Variants in GAB1 observed in about 807,000 individuals in gnomAD.
The protein encoded by GAB1 is GRB2-associated-binding protein 1.
In GAB1, 19 loss-of-function variants were observed where a neutral mutation model predicts 66.5. That is an observed-to-expected ratio of 0.29 (90% CI 0.20 to 0.42). The LOEUF (loss-of-function observed/expected upper bound fraction) is 0.42, where lower values mean the gene tolerates loss of function less well. Among genes scored for constraint, GAB1 ranks in the 10% least tolerant of loss-of-function variants. The probability of loss-of-function intolerance (pLI) is 1.00; values close to 1 mark genes in which losing one functional copy is unlikely to be tolerated. For synonymous variants in GAB1, 294 were observed against 301.4 expected (o/e 0.98, Z 0.25); for missense variants, 732 against 858.5 (o/e 0.85, Z 1.84).
chr4:143,393,229 T>C (rs1731268675), intron 1 of GAB1, among the ~76,000 whole-genome samples: 1 of 149,650 alleles, frequency 6.7e-6, no homozygotes, highest in African/African-American at 2.5e-5. Context: ...GTTTTTTTTT[T>C]TAAAAAAAAA....
At chr4:143,393,748 A>C (rs1260566751) in intron 1 of GAB1, among the ~76,000 whole-genome samples, 1 of 152,078 alleles carries the variant, frequency 6.6e-6, no homozygotes, top group Non-Finnish European at 1.5e-5. Context: ...TGCTTTACCC[A>C]AAAAAGAAAA....
intron 6 of GAB1, among the ~76,000 whole-genome samples, chr4:143,445,672 A>T (rs1313928060): frequency 6.6e-6 from 1 of 152,084 alleles, no homozygotes; most frequent in Non-Finnish European, 1.5e-5. Flanking sequence ...CTTGAGGGTT[A>T]TTATCAGGAG....
rs534972264 is a variant in GAB1, at chr4:143,347,683, G to A, written c.72+10423G>A. On this transcript the variant is annotated intron_variant, in intron 1 of 9. Coordinates refer to ENST00000262994, the MANE Select transcript of GAB1 (RefSeq NM_002039.4). ...TGCTAGGGGACATAGGTTGCACTTA[G>A]TTCTACAAATTACATCATGATCAGT... is the stretch of plus-strand genomic sequence containing the variant. Among the ~76,000 whole-genome samples, 12 of 152,330 alleles carry A rather than the reference G, an allele frequency of 7.9e-5. No homozygotes were observed. The East Asian group carries it at 1.9e-3, about 24-fold the overall frequency.
intron 2 of GAB1, 100 bp from the exon 3 acceptor site, chr4:143,433,389 TTC>T: frequency 1.3e-6 from 1 of 760,174 alleles, no homozygotes; most frequent in South Asian, 1.6e-5. Context: ...TCATGATTTA[TTC>T]TGTTTTTGTG....
At chr4:143,421,317 G>T (rs552647003) in intron 2 of GAB1, among the ~76,000 whole-genome samples, 68 of 152,022 alleles carry the variant, frequency 4.5e-4, no homozygotes, top group African/African-American at 1.5e-3. Context: ...TTGATGTTTG[G>T]GTTGTTTTCA....
At chr4:143,420,695 C>G (rs1319109143) in intron 2 of GAB1, among the ~76,000 whole-genome samples, 1 of 152,026 alleles carries the variant, frequency 6.6e-6, no homozygotes, top group East Asian at 1.9e-4. Flanking sequence ...GGTCTCTAAT[C>G]TAATTAGATG....
chr4:143,440,376 A>C lies in GAB1; in HGVS notation c.1579A>C (p.Arg527=). 6.2e-7 allele frequency: 1 copy of C among 1,608,882 alleles called. No homozygotes were observed. The part of the protein sequence containing the change: ...PPVDRNLKPD[R]KVKPAPLEIK... ...CGTGGATAGGAACCTCAAGCCAGAC[A>C]GAAAAGGTAAGGAGAGCATGGCAAA... The change falls in exon 6 of 10, where the codon AGA becomes CGA. Residue 527 remains arginine, a synonymous_variant. Coordinates refer to ENST00000262994, the MANE Select transcript of GAB1 (RefSeq NM_002039.4).
intron 1 of GAB1, among the ~76,000 whole-genome samples, chr4:143,388,528 C>T (rs964199366): frequency 1.3e-5 from 2 of 152,166 alleles, no homozygotes; most frequent in African/African-American, 4.8e-5. Context: ...AATTCTCCTG[C>T]CTCAGCTTCC....
At chr4:143,340,346 A>G (rs1728786635) in intron 1 of GAB1, among the ~76,000 whole-genome samples, 1 of 152,120 alleles carries the variant, frequency 6.6e-6, no homozygotes, top group Non-Finnish European at 1.5e-5. Context: ...ATAATTATTA[A>G]ATGAGACTTC....
chr4:143,389,915 T>C (rs1011546548), intron 1 of GAB1, among the ~76,000 whole-genome samples: 3 of 152,190 alleles, frequency 2.0e-5, no homozygotes, highest in African/African-American at 7.2e-5. Flanking sequence ...CTTCAATACA[T>C]GCCTCACTGG....
rs1211667781 is a variant in GAB1 at position 143,469,124 on chromosome 4, C to T, written c.2020C>T (p.Arg674Trp). Residue 674 changes from arginine to tryptophan, a missense_variant, in exon 10 of 10, where the codon CGG (arginine) becomes TGG (tryptophan). Arg to Trp is a moderately radical substitution (Grantham distance 101). This residue lies in a region of GAB1 where 204 missense variants were observed against 276.8 expected (regional missense o/e 0.74). Transcript: ENST00000262994. ...GAAGACCTTGGCTCTAAAGAGTACCCGGGAAGCCTGGACAGATGGGAGACA... is the reference window on the plus strand; with the variant it reads ...GAAGACCTTGGCTCTAAAGAGTACCTGGGAAGCCTGGACAGATGGGAGACA... ...QQKTLALKST[R>W]EAWTDGRQST... 1.2e-6 allele frequency: 2 copies of T among 1,614,056 alleles called. No homozygotes were observed. Among genetic ancestry groups the T allele is most frequent in the East Asian group, 2.2e-5 (1 of 44,882 alleles).
At chr4:143,462,072 C>T (rs148514116) in intron 8 of GAB1, among the ~76,000 whole-genome samples, 16 of 152,010 alleles carry the variant, frequency 1.1e-4, no homozygotes, top group East Asian at 9.7e-4. Flanking sequence ...GGCAACATAG[C>T]GAGACCTCAT....
intron 6 of GAB1, among the ~76,000 whole-genome samples, chr4:143,456,638 T>C (rs955554394): frequency 1.3e-5 from 2 of 152,136 alleles, no homozygotes; most frequent in African/African-American, 4.8e-5. Context: ...CTTAGAAAAT[T>C]GGTTAGGAAA....
At chr4:143,425,887 C>A in intron 2 of GAB1, 1 of 1,422,356 alleles carries the variant, frequency 7.0e-7, no homozygotes, top group Non-Finnish European at 9.8e-7. Flanking sequence ...GCTCCCACTG[C>A]TCAGGCCACT....
chr4:143,340,022 G>C (rs1728776488), intron 1 of GAB1, among the ~76,000 whole-genome samples: 1 of 152,066 alleles, frequency 6.6e-6, no homozygotes, highest in Non-Finnish European at 1.5e-5. Flanking sequence ...GTTAAATAAG[G>C]CTTATTTAAC....
At chr4:143,443,292 A>C (rs1734339839) in intron 6 of GAB1, among the ~76,000 whole-genome samples, 1 of 152,140 alleles carries the variant, frequency 6.6e-6, no homozygotes, top group Non-Finnish European at 1.5e-5. Context: ...CTGGGATTAC[A>C]GGCGTGAGCC....
chr4:143,449,424 T>G (rs1336896356), intron 6 of GAB1, among the ~76,000 whole-genome samples: 3 of 151,826 alleles, frequency 2.0e-5, no homozygotes, highest in African/African-American at 7.3e-5. Context: ...TGTGGGAGTC[T>G]AAGTCTCTTT....
intron 1 of GAB1, among the ~76,000 whole-genome samples, chr4:143,384,271 A>G (rs895226879): frequency 1.3e-5 from 2 of 152,218 alleles, no homozygotes; most frequent in Admixed American, 1.3e-4. Flanking sequence ...TGGTATAGCA[A>G]TGACTAGTTA....
chr4:143,374,887 AAG>A (rs1730345133), intron 1 of GAB1, among the ~76,000 whole-genome samples: 1 of 152,226 alleles, frequency 6.6e-6, no homozygotes, highest in African/African-American at 2.4e-5. Flanking sequence ...CTGCTACAGA[AAG>A]AATCCAGAAT....
Sources: allele counts gnomAD v4.1 joint callset (sites outside exome capture counted in the v4.1 genomes callset), GRCh38; gene constraint gnomAD v4.1.1; regional missense constraint gnomAD v4.1.1; transcripts MANE v1.5; gene names NCBI Gene and HGNC (gene_info 2026-07-23, HGNC 2026-07-21).